The following SLC14A2 variants were observed in gnomAD, a reference collection of about 807,000 sequenced individuals.
The protein encoded by SLC14A2 is urea transporter 2.
A neutral mutation model predicts 104.6 loss-of-function variants in SLC14A2; 91 were observed. That is an observed-to-expected ratio of 0.87 (90% CI 0.73 to 1.04). The LOEUF is 1.04. Ranked by LOEUF, SLC14A2 falls within the 50% of genes least tolerant of loss-of-function variation. The pLI is 0.00. For missense variants in SLC14A2, 1,189 were observed against 1,156.0 expected (o/e 1.03, Z -0.41); for synonymous variants, 476 against 466.4 (o/e 1.02, Z -0.27).
intron 2 of SLC14A2, among the ~76,000 whole-genome samples, chr18:45,579,927 G>A (rs1182231247): frequency 6.6e-6 from 1 of 152,196 alleles, no homozygotes; most frequent in African/African-American, 2.4e-5. Flanking sequence ...AGAATACCAC[G>A]TGGGAGAACA....
At position 45,418,750 on chromosome 18, in the gene SLC14A2, G is replaced by A. The variant is rs902953790; in HGVS notation, c.-124-64483G>A. On this transcript the variant is annotated intron_variant, in intron 1 of 20. Coordinates refer to the SLC14A2 transcript ENST00000586448. ...TAAATGAGACTGGGGTGAGAAGGACGAACGAAGACATTTTAGAAGTTGTTT... is the reference window on the plus strand; with the variant it reads ...TAAATGAGACTGGGGTGAGAAGGACAAACGAAGACATTTTAGAAGTTGTTT... Among the ~76,000 whole-genome samples the A allele has an allele frequency of 3.9e-5, 6 of 152,150 alleles. No individual in the cohort carries two copies. The East Asian group carries it at 7.7e-4, about 20-fold the overall frequency.
intron 1 of SLC14A2, among the ~76,000 whole-genome samples, chr18:45,389,765 C>T (rs1307261738): frequency 6.6e-6 from 1 of 152,228 alleles, no homozygotes; most frequent in Non-Finnish European, 1.5e-5. Flanking sequence ...CTATTTCTCT[C>T]CTCTTGTCCC....
intron 1 of SLC14A2, among the ~76,000 whole-genome samples, chr18:45,292,467 T>C (rs1288851030): frequency 6.6e-6 from 1 of 152,178 alleles, no homozygotes; most frequent in African/African-American, 2.4e-5. Flanking sequence ...AGTGTAACAC[T>C]CCGGGAATAT....
intron 10 of SLC14A2, among the ~76,000 whole-genome samples, chr18:45,650,519 A>G (rs189248014): frequency 4.2e-4 from 64 of 152,266 alleles, no homozygotes; most frequent in African/African-American, 1.4e-3. Context: ...TCACTCATTC[A>G]TCCAGAAGAC....
At chr18:45,517,714 C>A (rs1286642265) in intron 2 of SLC14A2, among the ~76,000 whole-genome samples, 1 of 152,184 alleles carries the variant, frequency 6.6e-6, no homozygotes, top group African/African-American at 2.4e-5. Context: ...CTACCCTGAC[C>A]CTCCCTCCAG....
At chr18:45,475,706 G>A (rs764012834) in intron 1 of SLC14A2, among the ~76,000 whole-genome samples, 17 of 100,030 alleles carry the variant, frequency 1.7e-4, no homozygotes, top group Non-Finnish European at 3.1e-4. Flanking sequence ...ATCTCTTCTT[G>A]TTGCATTGAT....
intron 1 of SLC14A2, among the ~76,000 whole-genome samples, chr18:45,458,568 A>T (rs1300325722): frequency 6.6e-6 from 1 of 152,158 alleles, no homozygotes; most frequent in African/African-American, 2.4e-5. Flanking sequence ...TTAGCTATTG[A>T]TGCATTTGAT....
chr18:45,179,655 T>C, the SLC14A2 span, among the ~76,000 whole-genome samples: 1 of 152,110 alleles, frequency 6.6e-6, no homozygotes, highest in African/African-American at 2.4e-5. Context: ...TTCTATTTGT[T>C]TAAAGAATAT....
At chr18:45,342,288 A>G (rs2085403807) in intron 1 of SLC14A2, among the ~76,000 whole-genome samples, 1 of 152,242 alleles carries the variant, frequency 6.6e-6, no homozygotes, top group Admixed American at 6.5e-5. Context: ...TAGGGTGACC[A>G]GATGAGACGT....
At chr18:45,433,212 T>G (rs1432155733) in intron 1 of SLC14A2, among the ~76,000 whole-genome samples, 1 of 152,242 alleles carries the variant, frequency 6.6e-6, no homozygotes, top group Non-Finnish European at 1.5e-5. Context: ...GCCTCAGTTT[T>G]CCCATGCATA....
chr18:45,672,849 A>G, intron 16 of SLC14A2, 51 bp from the exon 17 acceptor site: 1 of 1,555,802 alleles, frequency 6.4e-7, no homozygotes, highest in African/African-American at 1.4e-5. Context: ...GCCAAGGTCA[A>G]GTTGTCTCTT....
chr18:45,631,004 G>A (rs1442138362), intron 4 of SLC14A2, among the ~76,000 whole-genome samples: 1 of 152,154 alleles, frequency 6.6e-6, no homozygotes, highest in Non-Finnish European at 1.5e-5. Context: ...AGAGGTGAAA[G>A]GTCCTCCCCC....
Position 45,521,838 on chromosome 18 carries a change from C to G in SLC14A2, c.-35+38516C>G, listed in dbSNP as rs994875873. On this transcript the variant is annotated intron_variant, in intron 2 of 20. Coordinates refer to the SLC14A2 transcript ENST00000586448. The stretch of plus-strand genomic sequence containing the variant: ...CAGCCAAGTGATTCTGGGACTCAAG[C>G]TGAGGGAGGCAGGAAGGGGTGTGGC... Among the ~76,000 whole-genome samples the G allele has an allele frequency of 3.3e-5, 5 of 152,092 alleles. No homozygotes were observed. The East Asian group carries it at 7.8e-4, about 24-fold the overall frequency.
chr18:45,178,987 A>C, the SLC14A2 span, among the ~76,000 whole-genome samples: 3 of 152,298 alleles, frequency 2.0e-5, no homozygotes, highest in African/African-American at 7.2e-5. Context: ...TGTAAAATAG[A>C]TGGTTGCTGG....
At chr18:45,186,586 A>G in the SLC14A2 span, among the ~76,000 whole-genome samples, 1 of 152,198 alleles carries the variant, frequency 6.6e-6, no homozygotes, top group Admixed American at 6.6e-5. Context: ...GAATAGCTGG[A>G]CAAACAGAAT....
chr18:45,437,435 CCT>C (rs1313340953), intron 1 of SLC14A2, among the ~76,000 whole-genome samples: 1 of 152,140 alleles, frequency 6.6e-6, no homozygotes, highest in Non-Finnish European at 1.5e-5. Flanking sequence ...GTCAGATGAG[CCT>C]CTCTCCTGGA....
chr18:45,307,187 C>T (rs552445056), intron 1 of SLC14A2, among the ~76,000 whole-genome samples: 2 of 152,000 alleles, frequency 1.3e-5, no homozygotes, highest in Admixed American at 6.5e-5. Context: ...GAGGCCAAGG[C>T]GGGCAGATCA....
chr18:45,255,220 G>T (rs1235530394), intron 1 of SLC14A2, among the ~76,000 whole-genome samples: 1 of 151,924 alleles, frequency 6.6e-6, no homozygotes, highest in Non-Finnish European at 1.5e-5. Context: ...CTCTCCCAGG[G>T]GCTTGCTGTA....
intron 1 of SLC14A2, among the ~76,000 whole-genome samples, chr18:45,414,310 T>G (rs2086245759): frequency 6.6e-6 from 1 of 152,188 alleles, no homozygotes; most frequent in South Asian, 2.1e-4. Flanking sequence ...AAACCTCACC[T>G]TGGGTGATTC....
Sources: allele counts gnomAD v4.1 joint callset (sites outside exome capture counted in the v4.1 genomes callset), GRCh38; gene constraint gnomAD v4.1.1; transcripts MANE v1.5; gene names NCBI Gene and HGNC (gene_info 2026-07-23, HGNC 2026-07-21).